BTBD10: variants seen among roughly 807,000 people sequenced by gnomAD.
The protein encoded by BTBD10 is BTB domain containing 10.
Under a neutral mutation model 53.2 loss-of-function variants are expected in BTBD10, and 21 were observed. That is an observed-to-expected ratio of 0.39 (90% CI 0.28 to 0.57). The LOEUF (loss-of-function observed/expected upper bound fraction) is 0.57, where lower values mean the gene tolerates loss of function less well. BTBD10 is among the 20% of genes least tolerant of loss of function. The probability of loss-of-function intolerance (pLI) is 0.53; values close to 1 mark genes in which losing one functional copy is unlikely to be tolerated. For synonymous variants in BTBD10, 149 were observed against 192.7 expected, an observed-to-expected ratio of 0.77 and a Z score of 1.88; for missense variants, 360 against 594.7, an observed-to-expected ratio of 0.61 and a Z score of 4.10.
chr11:13,438,574 CT>C (rs533905740), intron 2 of BTBD10, among the ~76,000 whole-genome samples: 3 of 151,400 alleles, frequency 2.0e-5, no homozygotes, highest in East Asian at 1.9e-4. Flanking sequence ...AATTAAATTT[CT>C]TTTTTTTCAA....
At chr11:13,439,914 C>T in intron 2 of BTBD10, 2 of 1,533,676 alleles carry the variant, frequency 1.3e-6, no homozygotes, top group Middle Eastern at 1.7e-4. Context: ...GGTAGACACA[C>T]AAAAACAAGA....
At chr11:13,428,403 T>C (rs936870606) in intron 2 of BTBD10, among the ~76,000 whole-genome samples, 3 of 152,014 alleles carry the variant, frequency 2.0e-5, no homozygotes, top group Non-Finnish European at 2.9e-5. Context: ...TTCCAGAAAA[T>C]TGATGAGAAG....
At chr11:13,456,876 G>A (rs1163515337) in intron 1 of BTBD10, among the ~76,000 whole-genome samples, 3 of 152,104 alleles carry the variant, frequency 2.0e-5, no homozygotes, top group African/African-American at 2.4e-5. Context: ...AAGTACAAAT[G>A]AGGGTCTGGC....
intron 2 of BTBD10, among the ~76,000 whole-genome samples, chr11:13,436,016 T>C (rs1950538059): frequency 6.6e-6 from 1 of 152,226 alleles, no homozygotes; most frequent in Non-Finnish European, 1.5e-5. Context: ...TATGTCTAAC[T>C]ATCCTAAGAA....
chr11:13,403,007 A>G (rs143663758), intron 8 of BTBD10, among the ~76,000 whole-genome samples, 161 bp downstream of exon 8: 2 of 152,322 alleles, frequency 1.3e-5, no homozygotes, highest in Non-Finnish European at 2.9e-5. Flanking sequence ...TTCTAAGTGC[A>G]GCTGATTTTT....
chr11:13,439,831 A>C, intron 2 of BTBD10: 1 of 1,383,938 alleles, frequency 7.2e-7, no homozygotes, highest in Non-Finnish European at 9.6e-7. Flanking sequence ...TTTCAAATTC[A>C]TATATGTAAA....
intron 5 of BTBD10, among the ~76,000 whole-genome samples, chr11:13,414,158 G>A (rs1950034027): frequency 6.6e-6 from 1 of 152,128 alleles, no homozygotes; most frequent in African/African-American, 2.4e-5. Context: ...CATACCATTA[G>A]ATATTCTTCT....
At chr11:13,405,992 G>C in intron 6 of BTBD10, 136 bp from the exon 7 acceptor site, 1 of 779,332 alleles carries the variant, frequency 1.3e-6, no homozygotes, top group Non-Finnish European at 2.0e-6. Context: ...GAAATAACTT[G>C]CCTAATATTA....
chr11:13,417,111 C>CAAA, intron 5 of BTBD10, 47 bp downstream of exon 5: 1 of 1,407,140 alleles, frequency 7.1e-7, no homozygotes, highest in East Asian at 2.3e-5. Flanking sequence ...CAAGTACCTC[C>CAAA]AAGAAGGCGT....
At chr11:13,430,084 G>A (rs1393136458) in intron 2 of BTBD10, among the ~76,000 whole-genome samples, 1 of 152,062 alleles carries the variant, frequency 6.6e-6, no homozygotes, top group South Asian at 2.1e-4. Context: ...ACTCTAGCCT[G>A]GGCAACGAAG....
At chr11:13,435,412 T>C (rs1198145577) in intron 2 of BTBD10, among the ~76,000 whole-genome samples, 2 of 152,212 alleles carry the variant, frequency 1.3e-5, no homozygotes, top group African/African-American at 4.8e-5. Context: ...TTTAAACTTT[T>C]GGAGTATAAA....
intron 2 of BTBD10, among the ~76,000 whole-genome samples, chr11:13,441,737 CAA>C (rs1950654945): frequency 6.6e-6 from 1 of 152,050 alleles, no homozygotes; most frequent in Non-Finnish European, 1.5e-5. Context: ...AAAATTTCAA[CAA>C]GACAAAATTT....
intron 6 of BTBD10, among the ~76,000 whole-genome samples, chr11:13,406,623 GTGTGTGTGTGTGTGTGTT>G (rs1382645130): frequency 9.0e-5 from 1 of 11,052 alleles, no homozygotes; most frequent in Non-Finnish European, 4.6e-4. Flanking sequence ...GACAGTGTGT[GTGTGTGTGTGTGTGTGTT>G]TGTGTGTGTG....
intron 6 of BTBD10, among the ~76,000 whole-genome samples, chr11:13,407,270 C>T (rs894424622): frequency 1.7e-4 from 26 of 152,092 alleles, no homozygotes; most frequent in African/African-American, 5.6e-4. Context: ...CTTCTTTATC[C>T]TATGCTGAGA....
chr11:13,450,125 T>C (rs189009313), intron 1 of BTBD10, among the ~76,000 whole-genome samples: 9 of 152,266 alleles, frequency 5.9e-5, no homozygotes, highest in East Asian at 1.9e-4. Context: ...GTGAAGAGGA[T>C]AGAATTACAT....
At chr11:13,418,467 A>C (rs1040953176) in intron 4 of BTBD10, among the ~76,000 whole-genome samples, 3 of 152,102 alleles carry the variant, frequency 2.0e-5, no homozygotes, top group Non-Finnish European at 4.4e-5. Context: ...ATTATGTAAA[A>C]ATATAAAGTA....
intron 1 of BTBD10, among the ~76,000 whole-genome samples, chr11:13,457,579 T>C (rs1399928280): frequency 6.6e-6 from 1 of 152,186 alleles, no homozygotes; most frequent in Non-Finnish European, 1.5e-5. Context: ...CAAATACACA[T>C]GTATTTATTT....
rs192594253 is a variant in BTBD10 at position 13,439,934 on chromosome 11, T to C, written c.101+5090A>G. The C allele has an allele frequency of 8.3e-5, 128 of 1,534,760 alleles. 1 individual carries two copies. In the African/African-American group the frequency reaches 1.5e-3, roughly 18 times the overall value. On this transcript the variant is annotated intron_variant, in intron 2 of 8. Transcript: ENST00000278174. ...ACACACAAAAACAAGAAAAAAATTT[T>C]GAAATCAGAGTATAAAGGGACTCTG...
At chr11:13,439,773 A>C in intron 2 of BTBD10, 1 of 821,634 alleles carries the variant, frequency 1.2e-6, no homozygotes, top group Non-Finnish European at 1.8e-6. Flanking sequence ...TTAGTCATGT[A>C]AATGATCATA....
Sources: gnomAD v4.1 joint callset for allele counts (sites outside exome capture counted in the v4.1 genomes callset) on GRCh38, gnomAD v4.1.1 for gene constraint, MANE v1.5 for transcripts, NCBI Gene and HGNC (gene_info 2026-07-23, HGNC 2026-07-21) for gene names.